The following USP37 variants were observed in gnomAD, a reference collection of about 807,000 sequenced individuals.
The protein encoded by USP37 is ubiquitin specific peptidase 37, also known as ubiquitin carboxyl-terminal hydrolase 37.
Under a neutral mutation model 124.0 loss-of-function variants are expected in USP37, and 27 were observed. That is an observed-to-expected ratio of 0.22 (90% CI 0.16 to 0.30). USP37 has a LOEUF of 0.30. USP37 is among the 10% of genes least tolerant of loss of function. The probability of loss-of-function intolerance (pLI) is 1.00; values close to 1 mark genes in which losing one functional copy is unlikely to be tolerated. For synonymous variants in USP37, 365 were observed against 388.0 expected, an observed-to-expected ratio of 0.94 and a Z score of 0.70; for missense variants, 889 against 1,140.4, an observed-to-expected ratio of 0.78 and a Z score of 3.17.
chr2:218,494,019 T>C (rs1688941577), intron 14 of USP37, among the ~76,000 whole-genome samples: 1 of 152,238 alleles, frequency 6.6e-6, no homozygotes, highest in South Asian at 2.1e-4. Context: ...ATGGCTATTA[T>C]ATTATTAACT....
intron 4 of USP37, 98 bp from the exon 5 acceptor site, chr2:218,553,822 AT>A: frequency 8.5e-7 from 1 of 1,182,522 alleles, no homozygotes; most frequent in Non-Finnish European, 1.1e-6. Flanking sequence ...TCCATGTTAC[AT>A]TTATCACTCT....
intron 20 of USP37, among the ~76,000 whole-genome samples, chr2:218,472,396 C>T (rs2106416688): frequency 6.6e-6 from 1 of 152,078 alleles, no homozygotes; most frequent in South Asian, 2.1e-4. Flanking sequence ...TTCTATGGAG[C>T]CATGTGAATA....
intron 8 of USP37, among the ~76,000 whole-genome samples, chr2:218,545,072 T>G (rs531523176): frequency 1.3e-5 from 2 of 152,300 alleles, no homozygotes; most frequent in African/African-American, 4.8e-5. Flanking sequence ...TGGATAGAGA[T>G]AAGGGTGTTC....
At chr2:218,544,797 A>G (rs1168223075) in intron 8 of USP37, among the ~76,000 whole-genome samples, 3 of 152,184 alleles carry the variant, frequency 2.0e-5, no homozygotes, top group Non-Finnish European at 4.4e-5. Context: ...CCAGTTTCCT[A>G]TTCTTGTCTA....
intron 4 of USP37, among the ~76,000 whole-genome samples, chr2:218,555,291 T>C (rs1402369286): frequency 6.6e-6 from 1 of 152,008 alleles, no homozygotes. Context: ...TACTTCAGAA[T>C]TTTTTTTAAA....
At chr2:218,489,444 T>C (rs1033267368) in intron 14 of USP37, among the ~76,000 whole-genome samples, 15 of 151,996 alleles carry the variant, frequency 9.9e-5, no homozygotes, top group African/African-American at 3.6e-4. Flanking sequence ...ACATATCCTT[T>C]TCCAATCACT....
At chr2:218,525,489 T>G (rs1235466018) in intron 10 of USP37, among the ~76,000 whole-genome samples, 2 of 152,072 alleles carry the variant, frequency 1.3e-5, no homozygotes, top group Non-Finnish European at 2.9e-5. Context: ...GTCTAAAAAA[T>G]AAATAAATAA....
At chr2:218,523,013 C>A (rs552458747) in intron 10 of USP37, among the ~76,000 whole-genome samples, 1 of 151,640 alleles carries the variant, frequency 6.6e-6, no homozygotes, top group Non-Finnish European at 1.5e-5. Context: ...CGGTGGCTTA[C>A]GCTTGTAATC....
rs530425267 is a variant in USP37 at position 218,452,555 on chromosome 2, A to T, written c.*2375T>A. On this transcript the variant is annotated 3_prime_UTR_variant, in exon 26 of 26. Coordinates refer to ENST00000258399, the MANE Select transcript of USP37 (RefSeq NM_020935.3). The stretch of plus-strand genomic sequence containing the variant: ...AGACATCAAGTAAAATTTGAGTCCC[A>T]AACATGCAAGTACATGAGCAGTGAG... The T allele has an allele frequency of 8.5e-5, 13 of 152,306 alleles. No homozygotes were observed. The highest frequency in any genetic ancestry group is 6.2e-4 in the South Asian group (3 of 4,826). 9.4% of individuals were successfully genotyped at this position (152,306 alleles called of 1,614,324 possible).
At chr2:218,554,511 C>G (rs145007925) in intron 4 of USP37, among the ~76,000 whole-genome samples, 59 of 152,292 alleles carry the variant, frequency 3.9e-4, no homozygotes, top group African/African-American at 1.3e-3. Context: ...CTTTGGGAGG[C>G]TGAGGCAGGC....
At chr2:218,495,694 T>A in intron 14 of USP37, 66 bp downstream of exon 14, 1 of 1,494,224 alleles carries the variant, frequency 6.7e-7, no homozygotes, top group Non-Finnish European at 9.0e-7. Context: ...TGGTATGTCA[T>A]AGAAGAATTT....
At chr2:218,486,252 TAG>T (rs1691553557) in intron 15 of USP37, 1 of 152,356 alleles carries the variant, frequency 6.6e-6, no homozygotes, top group South Asian at 2.1e-4. Flanking sequence ...TACCATTACC[TAG>T]AGAACACTGA....
At chr2:218,495,012 G>T (rs577523075) in intron 14 of USP37, among the ~76,000 whole-genome samples, 1 of 150,542 alleles carries the variant, frequency 6.6e-6, no homozygotes, top group Admixed American at 6.6e-5. Flanking sequence ...CAAACAAATC[G>T]ATATTCTACA....
chr2:218,474,199 G>A (rs1690843409), intron 20 of USP37, among the ~76,000 whole-genome samples: 1 of 152,146 alleles, frequency 6.6e-6, no homozygotes, highest in South Asian at 2.1e-4. Flanking sequence ...ATGCACATAA[G>A]AAGGCTAGTT....
At chr2:218,513,682 A>C (rs1559198943) in intron 10 of USP37, among the ~76,000 whole-genome samples, 1 of 152,202 alleles carries the variant, frequency 6.6e-6, no homozygotes, top group Non-Finnish European at 1.5e-5. Flanking sequence ...GAGGTCTTTT[A>C]CTCAGCCTAA....
At position 218,452,834 on chromosome 2, in the gene USP37, G is replaced by A. The variant is rs567976270; in HGVS notation, c.*2096C>T. ...CAGTGCCTCTCAAATGCAAAGACAC[G>A]TAAAAGAATTAATAACTAGCCAAAG... On this transcript the variant is annotated 3_prime_UTR_variant, in exon 26 of 26. Transcript: ENST00000258399. 5.3e-5 allele frequency: 8 copies of A among 152,228 alleles called. No homozygotes were observed. The highest frequency in any genetic ancestry group is 8.8e-5 in the Non-Finnish European group (6 of 68,012). The allele number at this position is 152,228 out of a possible 1,614,324, so 9.4% of individuals were successfully genotyped here.
chr2:218,469,232 C>CAA (rs1159908699), intron 20 of USP37, among the ~76,000 whole-genome samples: 1 of 152,150 alleles, frequency 6.6e-6, no homozygotes, highest in Non-Finnish European at 1.5e-5. Context: ...CTAGAGATGT[C>CAA]AATAATTTCT....
intron 11 of USP37, among the ~76,000 whole-genome samples, chr2:218,505,445 G>T (rs940784341): frequency 3.9e-5 from 6 of 152,114 alleles, no homozygotes; most frequent in Non-Finnish European, 8.8e-5. Flanking sequence ...ACTCTTGGAC[G>T]CATGAAGCTC....
intron 1 of USP37, among the ~76,000 whole-genome samples, 172 bp downstream of exon 1, chr2:218,568,006 G>C (rs138357660): frequency 2.0e-4 from 30 of 152,338 alleles, no homozygotes; most frequent in Non-Finnish European, 8.8e-5. Context: ...AGCCGGGGCA[G>C]TGCACCCAAA....
Sources: allele counts gnomAD v4.1 joint callset (sites outside exome capture counted in the v4.1 genomes callset), GRCh38; gene constraint gnomAD v4.1.1; transcripts MANE v1.5; gene names NCBI Gene and HGNC (gene_info 2026-07-23, HGNC 2026-07-21).